Variants in EIF2A observed in about 807,000 individuals in gnomAD.
EIF2A encodes the protein 65 kDa eukaryotic translation initiation factor 2A.
EIF2A carries 62 observed loss-of-function variants against 75.2 expected under a neutral mutation model. The observed-to-expected ratio is 0.82, with a 90% CI of 0.67 to 1.02. The LOEUF (loss-of-function observed/expected upper bound fraction) is 1.02. EIF2A is among the 50% of genes least tolerant of loss of function. The probability of loss-of-function intolerance (pLI) is 0.00; values close to 1 mark genes in which losing one functional copy is unlikely to be tolerated. For synonymous variants in EIF2A, 207 were observed against 239.0 expected (o/e 0.87, Z 1.23); for missense variants, 611 against 677.7 (o/e 0.90, Z 1.09).
intron 1 of EIF2A, among the ~76,000 whole-genome samples, chr3:150,549,808 G>A (rs1479986737): frequency 6.6e-6 from 1 of 152,142 alleles, no homozygotes; most frequent in African/African-American, 2.4e-5. Context: ...ACATAAAACA[G>A]CAATGTCCAT....
chr3:150,547,488 A>T (rs1405018468), intron 1 of EIF2A, among the ~76,000 whole-genome samples: 3 of 152,236 alleles, frequency 2.0e-5, no homozygotes, highest in Non-Finnish European at 4.4e-5. Flanking sequence ...TGGAGGAGAT[A>T]ATAAACTTAG....
chr3:150,551,567 C>CA (rs11430778), intron 1 of EIF2A, among the ~76,000 whole-genome samples: 48,505 of 142,008 alleles, frequency 0.34, 8,137 homozygotes, highest in East Asian at 0.49. Context: ...TCTGTCTCTA[C>CA]AAAAAAAAAA....
intron 5 of EIF2A, 26 bp from the exon 6 acceptor site, chr3:150,564,273 A>ATTT: frequency 7.3e-7 from 1 of 1,376,574 alleles, no homozygotes; most frequent in Non-Finnish European, 9.9e-7. Context: ...TATTTTTTAT[A>ATTT]CTTTTTTTTT....
At chr3:150,560,716 CTTTTTT>C (rs71138455) in intron 3 of EIF2A, among the ~76,000 whole-genome samples, 1 of 120,680 alleles carries the variant, frequency 8.3e-6, no homozygotes. Flanking sequence ...GATGGAGAGT[CTTTTTT>C]TTTTTTTTTT....
rs1407165113 is a variant in EIF2A, at chr3:150,551,768, C to G, written c.29-588C>G. 2.6e-5 allele frequency among the ~76,000 whole-genome samples: 4 copies of G among 152,032 alleles called. No individual in the cohort carries two copies. The East Asian group carries it at 7.7e-4, about 29-fold the overall frequency. ...TAAACATAGAAATAAGAAGTATAGT[C>G]TAGTTCTGTAGATGATTATTTAATC... On this transcript the variant is annotated intron_variant, in intron 1 of 13. Transcript: ENST00000460851.
intron 9 of EIF2A, 92 bp downstream of exon 9, chr3:150,568,384 AAGAT>A (rs1282981322): frequency 4.7e-6 from 5 of 1,058,330 alleles, no homozygotes; most frequent in Non-Finnish European, 6.6e-6. Flanking sequence ...TCTTGATCAA[AAGAT>A]AGAATTCATA....
At position 150,574,235 on chromosome 3, in the gene EIF2A, G is replaced by A. The variant is rs1456403569; in HGVS notation, c.1384-1414G>A. Among the ~76,000 whole-genome samples, 3 of 152,128 alleles carry A rather than the reference G, an allele frequency of 2.0e-5. No homozygotes were observed. The East Asian group carries it at 5.8e-4, about 29-fold the overall frequency. ...AACTGAATAAACAAAGTTTATTAATGAGAATGAAATTATGCGTAATGAGCA... is the reference window on the plus strand; with the variant it reads ...AACTGAATAAACAAAGTTTATTAATAAGAATGAAATTATGCGTAATGAGCA... On this transcript the variant is annotated intron_variant, in intron 10 of 13. Coordinates refer to ENST00000460851, the MANE Select transcript of EIF2A (RefSeq NM_032025.5).
intron 12 of EIF2A, among the ~76,000 whole-genome samples, chr3:150,582,178 T>C (rs1725225334): frequency 6.6e-6 from 1 of 151,042 alleles, no homozygotes. Context: ...TTTTTATATT[T>C]TTAGTAGAGA....
chr3:150,553,872 A>G (rs1326969599), intron 2 of EIF2A, among the ~76,000 whole-genome samples: 1 of 152,218 alleles, frequency 6.6e-6, no homozygotes, highest in Non-Finnish European at 1.5e-5. Context: ...TTCCTTTCAT[A>G]AAACATTTGC....
Position 150,552,274 on chromosome 3 carries a change from C to G in EIF2A, c.29-82C>G. The stretch of plus-strand genomic sequence containing the variant: ...GATTTCATTAATATTTTGACTAAAG[C>G]TGCTTTTTTAAAAAACACATTTGTG... On this transcript the variant is annotated intron_variant, in intron 1 of 13. Coordinates refer to ENST00000460851, the MANE Select transcript of EIF2A (RefSeq NM_032025.5). 4 of 1,138,384 alleles carry G rather than the reference C, an allele frequency of 3.5e-6. No homozygotes were observed. In the African/African-American group the frequency reaches 4.7e-5, roughly 13 times the overall value. The allele number at this position is 1,138,384 out of a possible 1,614,324, so 70.5% of individuals were successfully genotyped here. A position where few individuals can be genotyped will look rare whatever the true frequency, so the allele number is the denominator to read the frequency against.
intron 10 of EIF2A, among the ~76,000 whole-genome samples, chr3:150,575,285 A>G (rs921991866): frequency 5.3e-5 from 8 of 152,192 alleles, no homozygotes; most frequent in African/African-American, 1.9e-4. Flanking sequence ...AAGCGAGGCA[A>G]CTGGGTTTCT....
intron 9 of EIF2A, among the ~76,000 whole-genome samples, chr3:150,571,433 C>A (rs1180128686): frequency 6.6e-6 from 1 of 152,296 alleles, no homozygotes; most frequent in Admixed American, 6.5e-5. Context: ...AGCCATCGCA[C>A]CTGGTCTTAT....
Position 150,567,682 on chromosome 3 carries a change from CT to C in EIF2A, c.476-3del, listed in dbSNP as rs769244111. 3.3e-5 allele frequency: 50 copies of C among 1,501,710 alleles called. No individual in the cohort carries two copies. Among genetic ancestry groups the C allele is most frequent in the South Asian group, 6.2e-5 (5 of 80,218 alleles). The allele number at this position is 1,501,710 out of a possible 1,614,324, so 93.0% of individuals were successfully genotyped here. On this transcript the variant is annotated splice_polypyrimidine_tract_variant and intron_variant, in intron 6 of 13. Coordinates refer to ENST00000460851, the MANE Select transcript of EIF2A (RefSeq NM_032025.5). ...TCTCATCAATCTGATTTAATTTACT[CT>C]TTTTTTTAGACACAATTGCAAATAA...
Position 150,581,763 on chromosome 3 carries a change from C to T in EIF2A, c.1626+17C>T, listed in dbSNP as rs752115731. 6.4e-6 allele frequency: 10 copies of T among 1,555,586 alleles called. No homozygotes were observed. In the East Asian group the frequency reaches 9.7e-5, roughly 15 times the overall value. The stretch of plus-strand genomic sequence containing the variant: ...CTAAAGAAGGTGAGAGACTTAAAAA[C>T]AGATGTGCATATTGAAAGGTATACA... On this transcript the variant is annotated intron_variant, in intron 12 of 13. Coordinates refer to ENST00000460851, the MANE Select transcript of EIF2A (RefSeq NM_032025.5).
At chr3:150,563,130 T>C (rs546514126) in intron 4 of EIF2A, among the ~76,000 whole-genome samples, 1 of 152,322 alleles carries the variant, frequency 6.6e-6, no homozygotes, top group South Asian at 2.1e-4. Context: ...GAACATTTCA[T>C]ATAACTGTGT....
At chr3:150,547,882 A>G (rs1480113869) in intron 1 of EIF2A, among the ~76,000 whole-genome samples, 5 of 152,254 alleles carry the variant, frequency 3.3e-5, no homozygotes. Context: ...TTTAAAAGGC[A>G]AAGTTACATA....
chr3:150,557,318 G>A (rs930615418), intron 2 of EIF2A, among the ~76,000 whole-genome samples: 1 of 152,290 alleles, frequency 6.6e-6, no homozygotes, highest in African/African-American at 2.4e-5. Context: ...AAATTCTGCC[G>A]TAAGGTTCAG....
rs776505300 is a variant in EIF2A at position 150,572,041 on chromosome 3, G to T, written c.895G>T (p.Ala299Ser). The part of the protein sequence containing the change: ...CAVYGFMPAK[A>S]TIFNLKCDPV... ...TGTATATGGTTTTATGCCTGCCAAA[G>T]CGACAATTTTCAACTTGAAATGTGA... The change falls in exon 10 of 14, where the codon GCG becomes TCG. Residue 299 changes from alanine (A) to serine (S), a missense_variant. Physicochemically the swap from Ala to Ser is moderately conservative, Grantham distance 99. Coordinates refer to ENST00000460851, the MANE Select transcript of EIF2A (RefSeq NM_032025.5). 2 of 1,613,870 alleles carry T rather than the reference G, an allele frequency of 1.2e-6. No homozygotes were observed. Among genetic ancestry groups the T allele is most frequent in the Non-Finnish European group, 8.5e-7 (1 of 1,179,918 alleles).
Position 150,571,981 on chromosome 3 carries a change from G to A in EIF2A, c.835G>A (p.Val279Ile), listed in dbSNP as rs753819789. ...AGCAAAAAATGGCCCCATTTATGAT[G>A]TAGTTTGGAATTCTAGTTCTACTGA... is the stretch of plus-strand genomic sequence containing the variant. ...QLPKNGPIYD[V>I]VWNSSSTEFC... is the part of the protein sequence containing the mutation. Residue 279 changes from valine (V) to isoleucine (I), a missense_variant, in exon 10 of 14, where the codon GTA becomes ATA. Coordinates refer to ENST00000460851, the MANE Select transcript of EIF2A (RefSeq NM_032025.5). 62 of 1,609,206 alleles carry A rather than the reference G, an allele frequency of 3.9e-5. No individual in the cohort carries two copies. Among genetic ancestry groups the A allele is most frequent in the Non-Finnish European group, 4.8e-5 (56 of 1,177,504 alleles).
Sources: allele counts gnomAD v4.1 joint callset (sites outside exome capture counted in the v4.1 genomes callset), GRCh38; gene constraint gnomAD v4.1.1; transcripts MANE v1.5; gene names NCBI Gene and HGNC (gene_info 2026-07-23, HGNC 2026-07-21).